Variants in CMA1 observed in about 807,000 individuals in gnomAD.
CMA1 encodes the protein chymase.
In CMA1, 24 loss-of-function variants were observed where a neutral mutation model predicts 18.8. That is an observed-to-expected ratio of 1.28 (90% CI 0.92 to 1.80). The LOEUF is 1.80. CMA1 is among the 40% of genes most tolerant of loss of function. The probability of loss-of-function intolerance (pLI) is 0.00; values close to 1 mark genes in which losing one functional copy is unlikely to be tolerated. For missense variants in CMA1, 421 were observed against 302.8 expected, an observed-to-expected ratio of 1.39 and a Z score of -2.90; for synonymous variants, 152 against 117.0, an observed-to-expected ratio of 1.30 and a Z score of -1.93.
At position 24,506,092 on chromosome 14, in the gene CMA1, C is replaced by T. The variant is rs746001351; in HGVS notation, c.536G>A (p.Arg179Lys). Residue 179 changes from arginine to lysine, a missense_variant, in exon 4 of 5, where the codon AGA becomes AAA. By Grantham distance (26) the Arg-to-Lys change is conservative. Transcript: ENST00000250378. ...LMDPQACSHF[R>K]DFDHNLQLCV... ...CAGCTGAAGATTGTGGTCAAAGTCT[C>T]TGAAGTGGCTGCAGGCCTGGGGATC... 1.9e-6 allele frequency: 3 copies of T among 1,614,118 alleles called. No homozygotes were observed. Among genetic ancestry groups the T allele is most frequent in the African/African-American group, 2.7e-5 (2 of 74,944 alleles).
Position 24,506,583 on chromosome 14 carries a change from T to C in CMA1, c.231A>G (p.Gly77=). ...CAGRSITVTL[G]AHNITEEEDT... is the part of the protein sequence containing the mutation. ...CTTCTTCCTCTGTTATGTTATGGGC[T>C]CCAAGGGTGACTGTTATAGACCTGT... Residue 77 remains glycine, a synonymous_variant, in exon 3 of 5, where the codon GGA becomes GGG. Coordinates refer to ENST00000250378, the MANE Select transcript of CMA1 (RefSeq NM_001836.5). 6.2e-7 allele frequency: 1 copy of C among 1,613,968 alleles called. No homozygotes were observed. The highest frequency in any genetic ancestry group is 2.2e-5 in the East Asian group (1 of 44,890).
chr14:24,506,497 G>A lies in CMA1; in HGVS notation c.317C>T (p.Thr106Ile), dbSNP rs1431276486. 2 of 1,614,208 alleles carry A rather than the reference G, an allele frequency of 1.2e-6. No individual in the cohort carries two copies. The highest frequency in any genetic ancestry group is 3.3e-5 in the Admixed American group (2 of 60,026). Residue 106 changes from threonine (T) to isoleucine (I), a missense_variant, in exon 3 of 5, where the codon ACT (threonine) becomes ATT (isoleucine). Physicochemically the swap from Thr to Ile is moderately conservative, Grantham distance 89. Coordinates refer to ENST00000250378, the MANE Select transcript of CMA1 (RefSeq NM_001836.5). ...TAGTAACATGATATCGTGGTGAAGA[G>A]TAGAAGTGTTATATTTTGGATGACG... ...QFRHPKYNTSTLHHDIMLLKL... is the reference protein window; with the variant it reads ...QFRHPKYNTSILHHDIMLLKL...
At chr14:24,507,564 G>C in intron 1 of CMA1, 58 bp from the exon 2 acceptor site, 1 of 1,558,410 alleles carries the variant, frequency 6.4e-7, no homozygotes, top group South Asian at 1.2e-5. Context: ...CCAATGAATG[G>C]ACAAATTGGG....
At position 24,506,131 on chromosome 14, in the gene CMA1, T is replaced by G; in HGVS notation, c.497A>C (p.Lys166Thr). 1 of 1,614,192 alleles carries G rather than the reference T, an allele frequency of 6.2e-7. No homozygotes were observed. The highest frequency in any genetic ancestry group is 8.5e-7 in the Non-Finnish European group (1 of 1,180,030). ...GGCCTGGGGATCCATGAGTCTCAGC[T>G]TCACCTCTTGCAGAGTGTCTGAGCC... Reference protein sequence around the residue: ...KPGSDTLQEVKLRLMDPQACS... With the variant: ...KPGSDTLQEVTLRLMDPQACS... The change falls in exon 4 of 5, where the codon AAG (lysine) becomes ACG (threonine). Residue 166 changes from lysine to threonine, a missense_variant. Lys to Thr is a moderately conservative substitution (Grantham distance 78). Coordinates refer to ENST00000250378, the MANE Select transcript of CMA1 (RefSeq NM_001836.5).
chr14:24,506,225 A>T lies in CMA1; in HGVS notation c.403T>A (p.Phe135Ile), dbSNP rs2043854382. 6.2e-7 allele frequency: 1 copy of T among 1,614,056 alleles called. No individual in the cohort carries two copies. The highest frequency in any genetic ancestry group is 1.3e-5 in the African/African-American group (1 of 74,932). ...AVGTLPFPSQ[F>I]NFVPPGRMCR... ...ATTCTCCCAGGTGGGACAAAGTTGA[A>T]TTGGGATGGGAAGGGGAGTGTCCCC... Residue 135 changes from phenylalanine to isoleucine, a missense_variant, in exon 4 of 5, where the codon TTC becomes ATC. Phe to Ile is a conservative substitution (Grantham distance 21, BLOSUM62 0). Transcript: ENST00000250378.
Position 24,506,206 on chromosome 14 carries a change from C to A in CMA1, c.422G>T (p.Gly141Val). Residue 141 changes from glycine (G) to valine (V), a missense_variant, in exon 4 of 5, where the codon GGG (glycine) becomes GTG (valine). Gly to Val is a moderately radical substitution (Grantham distance 109, BLOSUM62 -3). Transcript: ENST00000250378. ...CCAGCCAGCCACCCGGCACATTCTC[C>A]CAGGTGGGACAAAGTTGAATTGGGA... ...FPSQFNFVPP[G>V]RMCRVAGWGR... The A allele has an allele frequency of 6.2e-7, 1 of 1,614,172 alleles. No individual in the cohort carries two copies. The highest frequency in any genetic ancestry group is 8.5e-7 in the Non-Finnish European group (1 of 1,180,030).
chr14:24,506,499 A>G lies in CMA1; in HGVS notation c.315T>C (p.Ser105=), dbSNP rs2043857935. The G allele has an allele frequency of 6.2e-7, 1 of 1,614,216 alleles. No individual in the cohort carries two copies. Among genetic ancestry groups the G allele is most frequent in the Non-Finnish European group, 8.5e-7 (1 of 1,180,020 alleles). ...KQFRHPKYNT[S]TLHHDIMLLK... ...GTAACATGATATCGTGGTGAAGAGT[A>G]GAAGTGTTATATTTTGGATGACGGA... is the stretch of plus-strand genomic sequence containing the variant. Residue 105 remains serine (S), a synonymous_variant, in exon 3 of 5, where the codon TCT becomes TCC. Transcript: ENST00000250378.
At chr14:24,505,680 G>T (rs748573929) in intron 4 of CMA1, 21 bp from the exon 5 acceptor site, 2 of 1,583,940 alleles carry the variant, frequency 1.3e-6, no homozygotes, top group Non-Finnish European at 1.7e-6. Context: ...AGGAGAGAGA[G>T]AAGAAGGTGA....
Position 24,508,166 on chromosome 14 carries a change from C to T in CMA1, c.58+12G>A, listed in dbSNP as rs374826972. 13 of 1,613,074 alleles carry T rather than the reference C, an allele frequency of 8.1e-6. No homozygotes were observed. Among genetic ancestry groups the T allele is most frequent in the Admixed American group, 1.7e-5 (1 of 59,998 alleles). On this transcript the variant is annotated intron_variant, in intron 1 of 4. Transcript: ENST00000250378. ...TACTGCAGATTTCAGAGGGAAGAAC[C>T]CTGATACTCACCAGCTTCAGCTCTG...
Position 24,506,215 on chromosome 14 carries a change from A to T in CMA1, c.413T>A (p.Val138Asp). 6.2e-7 allele frequency: 1 copy of T among 1,614,146 alleles called. No individual in the cohort carries two copies. The highest frequency in any genetic ancestry group is 1.1e-5 in the South Asian group (1 of 91,074). The change falls in exon 4 of 5, where the codon GTC becomes GAC. Residue 138 changes from valine to aspartate, a missense_variant. Physicochemically the swap from Val to Asp is radical, Grantham distance 152 (BLOSUM62 -3). Transcript: ENST00000250378. ...TLPFPSQFNF[V>D]PPGRMCRVAG... is the part of the protein sequence containing the mutation. Reference sequence around the variant, plus strand: ...CACCCGGCACATTCTCCCAGGTGGGACAAAGTTGAATTGGGATGGGAAGGG... The same window carrying T: ...CACCCGGCACATTCTCCCAGGTGGGTCAAAGTTGAATTGGGATGGGAAGGG...
chr14:24,506,059 C>T lies in CMA1; in HGVS notation c.569G>A (p.Gly190Asp). 6.2e-7 allele frequency: 1 copy of T among 1,614,200 alleles called. No individual in the cohort carries two copies. Among genetic ancestry groups the T allele is most frequent in the Non-Finnish European group, 8.5e-7 (1 of 1,180,030 alleles). The stretch of plus-strand genomic sequence containing the variant: ...TGCAGATTTTGTCTTCCTGGGATTG[C>T]CCACACACAGCTGAAGATTGTGGTC... Reference protein sequence around the residue: ...DFDHNLQLCVGNPRKTKSAFK... With the variant: ...DFDHNLQLCVDNPRKTKSAFK... Residue 190 changes from glycine to aspartate, a missense_variant, in exon 4 of 5, where the codon GGC (glycine) becomes GAC (aspartate). Gly to Asp is a moderately conservative substitution (Grantham distance 94, BLOSUM62 -1). Transcript: ENST00000250378.
chr14:24,508,015 G>T (rs553843473), intron 1 of CMA1, 163 bp downstream of exon 1: 9 of 633,914 alleles, frequency 1.4e-5, no homozygotes, highest in Non-Finnish European at 2.5e-5. Flanking sequence ...GCAGTGGGTG[G>T]GGGTGGGGGT....
In CMA1 at chr14:24,507,437, G is replaced by C. The variant is rs377088231; in HGVS notation, c.128C>G (p.Thr43Ser). The C allele has an allele frequency of 2.5e-6, 4 of 1,614,078 alleles. No homozygotes were observed. The African/African-American group carries it at 5.3e-5, about 22-fold the overall frequency. The change falls in exon 2 of 5, where the codon ACT (threonine) becomes AGT (serine). Residue 43 changes from threonine (T) to serine (S), a missense_variant. Physicochemically the swap from Thr to Ser is moderately conservative, Grantham distance 58. Transcript: ENST00000250378. ...RPYMAYLEIV[T>S]SNGPSKFCGG... Reference sequence around the variant, plus strand: ...ACAAAATTTTGAGGGACCGTTGGAAGTTACAATTTCCAGGTAGGCCATGTA... The same window carrying C: ...ACAAAATTTTGAGGGACCGTTGGAACTTACAATTTCCAGGTAGGCCATGTA...
chr14:24,508,137 C>G (rs368630140), intron 1 of CMA1, 41 bp downstream of exon 1: 3 of 1,570,972 alleles, frequency 1.9e-6, no homozygotes, highest in African/African-American at 2.7e-5. Context: ...GTTTCAGGAG[C>G]TGATACTGCA....
In CMA1 at chr14:24,505,975, A is replaced by T. The variant is rs199514255; in HGVS notation, c.600+53T>A. 1,996 of 1,596,288 alleles carry T rather than the reference A, an allele frequency of 1.3e-3. 1 individual carries two copies. Among genetic ancestry groups the T allele is most frequent in the Non-Finnish European group, 1.4e-3 (1,609 of 1,169,862 alleles). On this transcript the variant is annotated intron_variant, in intron 4 of 4. Coordinates refer to ENST00000250378, the MANE Select transcript of CMA1 (RefSeq NM_001836.5). Reference sequence around the variant, plus strand: ...TCTGACCCCATCTCCTTCTAAGAGCATTCTGGTCCCTGAACAGTGAGTTTT... The same window carrying T: ...TCTGACCCCATCTCCTTCTAAGAGCTTTCTGGTCCCTGAACAGTGAGTTTT...
rs533057183 is a variant in CMA1 at position 24,507,032 on chromosome 14, C to T, written c.209+324G>A. ...TAGAGGCCAGTGTTCTTGAAAAGGC[C>T]ATAGAGGAAGTGGCCCTGAGACTGG... On this transcript the variant is annotated intron_variant, in intron 2 of 4. Transcript: ENST00000250378. 2.2e-3 allele frequency among the ~76,000 whole-genome samples: 340 copies of T among 152,210 alleles called. 1 individual carries two copies. Among genetic ancestry groups the T allele is most frequent in the Non-Finnish European group, 3.6e-3 (242 of 67,980 alleles).
intron 1 of CMA1, 159 bp downstream of exon 1, chr14:24,508,018 GT>G (rs1280765089): frequency 1.9e-4 from 121 of 641,050 alleles, no homozygotes; most frequent in African/African-American, 1.9e-3. Context: ...GTGGGTGGGG[GT>G]GGGGGTGGGG....
rs1310122299 is a variant in CMA1 at position 24,506,677 on chromosome 14, T to C, written c.210-73A>G. ...GGTTTCTTCTGAGGTGAGCTCATTC[T>C]GAGAAAAGAGGACTAAACTCTGTCA... On this transcript the variant is annotated intron_variant, in intron 2 of 4. Transcript: ENST00000250378. The C allele has an allele frequency of 3.2e-6, 5 of 1,564,788 alleles. No individual in the cohort carries two copies. The Admixed American group carries it at 9.3e-5, about 29-fold the overall frequency.
chr14:24,508,145 G>A (rs756517303), intron 1 of CMA1, 33 bp downstream of exon 1: 8 of 1,594,202 alleles, frequency 5.0e-6, no homozygotes, highest in South Asian at 1.1e-5. Context: ...AGCTGATACT[G>A]CAGATTTCAG....
Sources: gnomAD v4.1 joint callset for allele counts (sites outside exome capture counted in the v4.1 genomes callset) on GRCh38, gnomAD v4.1.1 for gene constraint, MANE v1.5 for transcripts, NCBI Gene and HGNC (gene_info 2026-07-23, HGNC 2026-07-21) for gene names.